Variants in TUT4 observed in about 807,000 individuals in gnomAD.
The protein encoded by TUT4 is terminal uridylyltransferase 4.
Under a neutral mutation model 192.2 loss-of-function variants are expected in TUT4, and 36 were observed. The observed-to-expected ratio is 0.19, with a 90% CI of 0.14 to 0.25. The LOEUF (loss-of-function observed/expected upper bound fraction) is 0.25. Among genes scored for constraint, TUT4 ranks in the 10% least tolerant of loss-of-function variants. The probability of loss-of-function intolerance (pLI) is 1.00; values close to 1 mark genes in which losing one functional copy is unlikely to be tolerated. For missense variants in TUT4, 1,493 were observed against 1,957.2 expected (o/e 0.76, Z 4.47); for synonymous variants, 618 against 666.0 (o/e 0.93, Z 1.11).
chr1:52,444,575 G>A (rs781117581), intron 24 of TUT4, among the ~76,000 whole-genome samples: 8 of 151,502 alleles, frequency 5.3e-5, no homozygotes, highest in Middle Eastern at 3.4e-3. Context: ...AATCCTGGGT[G>A]TGTCTGTTGG....
chr1:52,517,134 T>C (rs958315805), intron 2 of TUT4, among the ~76,000 whole-genome samples: 1 of 152,190 alleles, frequency 6.6e-6, no homozygotes, highest in Non-Finnish European at 1.5e-5. Flanking sequence ...AAGCACCACT[T>C]GTTTCCATAA....
In TUT4 at chr1:52,423,742, AAC is replaced by A. The variant is rs2147978649; in HGVS notation, c.*191_*192del. On this transcript the variant is annotated 3_prime_UTR_variant, in exon 30 of 30. Transcript: ENST00000257177. Reference sequence around the variant, plus strand: ...ATATACAAATAATACAGTCTGTAAAAACAGTCTTAGAATTTAAATAAGCTATC... The same window carrying A: ...ATATACAAATAATACAGTCTGTAAAAAGTCTTAGAATTTAAATAAGCTATC... 2 of 1,357,174 alleles carry A rather than the reference AAC, an allele frequency of 1.5e-6. No homozygotes were observed. Among genetic ancestry groups the A allele is most frequent in the Middle Eastern group, 1.8e-4 (1 of 5,484 alleles). The allele number at this position is 1,357,174 out of a possible 1,614,324, so 84.1% of individuals were successfully genotyped here. A position where few individuals can be genotyped will look rare whatever the true frequency, so the allele number is the denominator to read the frequency against.
At chr1:52,540,728 T>C (rs1686383365) in intron 1 of TUT4, among the ~76,000 whole-genome samples, 1 of 152,140 alleles carries the variant, frequency 6.6e-6, no homozygotes. Flanking sequence ...CTCCCAATTT[T>C]TGGTCCAAGT....
intron 6 of TUT4, 134 bp downstream of exon 6, chr1:52,495,293 G>T: frequency 2.2e-6 from 1 of 447,976 alleles, no homozygotes; most frequent in Non-Finnish European, 3.9e-6. Flanking sequence ...ATTTCCAAAA[G>T]CACTGTTTAG....
intron 2 of TUT4, among the ~76,000 whole-genome samples, chr1:52,520,002 G>A (rs544184963): frequency 6.6e-6 from 1 of 152,224 alleles, no homozygotes; most frequent in East Asian, 1.9e-4. Context: ...CTGGGCATCA[G>A]AGTGAGACCC....
rs951347261 is a variant in TUT4 at position 52,459,239 on chromosome 1, T to C, written c.3322-790A>G. 4.6e-5 allele frequency among the ~76,000 whole-genome samples: 7 copies of C among 150,592 alleles called. 1 individual carries two copies. The South Asian group carries it at 1.0e-3, about 23-fold the overall frequency. On this transcript the variant is annotated intron_variant, in intron 19 of 29. Coordinates refer to ENST00000257177, the MANE Select transcript of TUT4 (RefSeq NM_001009881.3). ...AGGCAGAGCTTGCAGTGAGCCGAGA[T>C]AGCACCACTGCACTCCAGCCTGGGC...
chr1:52,428,723 G>C (rs527430602), intron 28 of TUT4, among the ~76,000 whole-genome samples: 1 of 151,904 alleles, frequency 6.6e-6, no homozygotes, highest in Non-Finnish European at 1.5e-5. Context: ...CTCAGAAGGC[G>C]GAGGTTGCAG....
intron 8 of TUT4, 109 bp downstream of exon 8, chr1:52,490,623 C>T (rs1424073758): frequency 2.5e-6 from 2 of 791,630 alleles, no homozygotes; most frequent in Non-Finnish European, 3.9e-6. Context: ...TAGTCATATT[C>T]ATCCAAGGAG....
chr1:52,452,595 C>G (rs1313840446), intron 20 of TUT4, among the ~76,000 whole-genome samples: 1 of 152,134 alleles, frequency 6.6e-6, no homozygotes, highest in African/African-American at 2.4e-5. Context: ...CATAAAAACC[C>G]AAAGGTCTCG....
intron 27 of TUT4, chr1:52,433,509 G>C (rs1652757784): frequency 6.6e-6 from 1 of 152,168 alleles, no homozygotes; most frequent in Admixed American, 6.6e-5. Flanking sequence ...CCTGGGGGTT[G>C]AAAGGAAAGA....
intron 14 of TUT4, among the ~76,000 whole-genome samples, chr1:52,471,260 C>G (rs1438991015): frequency 1.3e-5 from 2 of 152,084 alleles, no homozygotes; most frequent in African/African-American, 4.8e-5. Context: ...CATGATCGGC[C>G]CACCTCGGCC....
At chr1:52,497,410 A>C (rs1672724080) in intron 4 of TUT4, among the ~76,000 whole-genome samples, 2 of 152,284 alleles carry the variant, frequency 1.3e-5, no homozygotes, top group Admixed American at 6.5e-5. Context: ...AAGTTTTTAA[A>C]AATTTGTTCC....
chr1:52,427,968 C>A (rs1470316779), intron 28 of TUT4, among the ~76,000 whole-genome samples: 1 of 152,066 alleles, frequency 6.6e-6, no homozygotes, highest in East Asian at 1.9e-4. Context: ...AATCTAAATC[C>A]CAGTTTACAG....
In TUT4 at chr1:52,435,508, T is replaced by C. The variant is rs759846808; in HGVS notation, c.4163-43A>G. 6.2e-6 allele frequency: 9 copies of C among 1,456,738 alleles called. No individual in the cohort carries two copies. The South Asian group carries it at 6.9e-5, about 11-fold the overall frequency. 90.2% of individuals were successfully genotyped at this position (1,456,738 alleles called of 1,614,324 possible). A position where few individuals can be genotyped will look rare whatever the true frequency, so the allele number is the denominator to read the frequency against. On this transcript the variant is annotated intron_variant, in intron 26 of 29. Transcript: ENST00000257177. ...AAAGAAAATCAACAGATAAGGAAAG[T>C]AGCAGAGAAATGACAATAAATAAAC...
intron 1 of TUT4, among the ~76,000 whole-genome samples, chr1:52,527,478 G>T (rs1682114640): frequency 6.6e-6 from 1 of 152,042 alleles, no homozygotes; most frequent in African/African-American, 2.4e-5. Context: ...CCGGGACCCA[G>T]GAGGCGGAGG....
chr1:52,477,926 T>C (rs148378535), intron 11 of TUT4, 44 bp from the exon 12 acceptor site: 4 of 1,480,562 alleles, frequency 2.7e-6, no homozygotes, highest in East Asian at 2.3e-5. Flanking sequence ...AACAAAACCA[T>C]AAAAATCAAC....
intron 24 of TUT4, among the ~76,000 whole-genome samples, chr1:52,440,443 T>TTG (rs1051191848): frequency 6.6e-6 from 1 of 151,170 alleles, no homozygotes; most frequent in Non-Finnish European, 1.5e-5. Context: ...GTTTTTTTTT[T>TTG]TTTTTTTTTT....
At chr1:52,498,903 T>C (rs1265311714) in intron 4 of TUT4, among the ~76,000 whole-genome samples, 1 of 1,008 alleles carries the variant, frequency 9.9e-4, no homozygotes, top group Non-Finnish European at 4.4e-3. Flanking sequence ...AAAAAAAAAT[T>C]ATATATATAT....
intron 11 of TUT4, among the ~76,000 whole-genome samples, chr1:52,478,882 T>C (rs182695060): frequency 4.6e-5 from 7 of 152,268 alleles, no homozygotes; most frequent in Admixed American, 4.6e-4. Context: ...GGATACATCT[T>C]TGAGGGAAAA....
Sources: gnomAD v4.1 joint callset for allele counts (sites outside exome capture counted in the v4.1 genomes callset) on GRCh38, gnomAD v4.1.1 for gene constraint, MANE v1.5 for transcripts, NCBI Gene and HGNC (gene_info 2026-07-23, HGNC 2026-07-21) for gene names.